GFRA1: variants seen among roughly 807,000 people sequenced by gnomAD.
GFRA1 encodes GDNF family receptor alpha 1, also known as GDNF family receptor alpha-1.
Under a neutral mutation model 51.6 loss-of-function variants are expected in GFRA1, and 16 were observed. The observed-to-expected ratio is 0.31, with a 90% CI of 0.21 to 0.47. The LOEUF (loss-of-function observed/expected upper bound fraction) is 0.47. Ranked by LOEUF, GFRA1 falls within the 20% of genes least tolerant of loss-of-function variation. GFRA1 has a pLI of 1.00. For missense variants in GFRA1, 530 were observed against 594.3 expected, an observed-to-expected ratio of 0.89 and a Z score of 1.13; for synonymous variants, 270 against 241.3, an observed-to-expected ratio of 1.12 and a Z score of -1.10.
intron 5 of GFRA1, among the ~76,000 whole-genome samples, chr10:116,177,581 A>G (rs1183339257): frequency 6.6e-6 from 1 of 152,162 alleles, no homozygotes; most frequent in Non-Finnish European, 1.5e-5. Context: ...CTGGGAGCAG[A>G]TGAGAGTATG....
chr10:116,137,992 G>A lies in GFRA1; in HGVS notation c.434-12435C>T, dbSNP rs150638998. ...AATTTTTTGTATTTTTAGTAGAGAT[G>A]GGGTTTCTCCACGTTGGTCAGGCTG... On this transcript the variant is annotated intron_variant, in intron 5 of 10. Transcript: ENST00000355422. 6.9e-3 allele frequency among the ~76,000 whole-genome samples: 1,045 copies of A among 152,120 alleles called. 3 individuals carry two copies. Among genetic ancestry groups the A allele is most frequent in the Non-Finnish European group, 9.5e-3 (645 of 67,986 alleles).
intron 5 of GFRA1, among the ~76,000 whole-genome samples, chr10:116,193,351 T>C (rs1963440606): frequency 6.6e-6 from 1 of 152,138 alleles, no homozygotes; most frequent in African/African-American, 2.4e-5. Context: ...TTGAGTTGAT[T>C]CTTAAAAATC....
At chr10:116,096,140 C>A (rs935395713) in intron 7 of GFRA1, among the ~76,000 whole-genome samples, 1 of 152,154 alleles carries the variant, frequency 6.6e-6, no homozygotes, top group Non-Finnish European at 1.5e-5. Flanking sequence ...GCCTAAATCA[C>A]CCACTGCACA....
chr10:116,195,550 T>C (rs1963661256), intron 5 of GFRA1, among the ~76,000 whole-genome samples: 1 of 152,218 alleles, frequency 6.6e-6, no homozygotes, highest in African/African-American at 2.4e-5. Flanking sequence ...CTTATATGAA[T>C]CTAATGCCAC....
At chr10:116,083,972 G>A (rs910528198) in intron 9 of GFRA1, among the ~76,000 whole-genome samples, 1 of 152,216 alleles carries the variant, frequency 6.6e-6, no homozygotes, top group African/African-American at 2.4e-5. Flanking sequence ...ACTCTGGGGA[G>A]ATAAGGAAAT....
chr10:116,261,735 T>C (rs1005023257), intron 4 of GFRA1, among the ~76,000 whole-genome samples: 1 of 152,242 alleles, frequency 6.6e-6, no homozygotes, highest in Non-Finnish European at 1.5e-5. Context: ...TGAATAACTA[T>C]GTAAGATTCA....
At chr10:116,129,171 C>G (rs765324744) in intron 5 of GFRA1, among the ~76,000 whole-genome samples, 2 of 152,096 alleles carry the variant, frequency 1.3e-5, no homozygotes, top group Non-Finnish European at 2.9e-5. Flanking sequence ...ATAACCTTTC[C>G]GAACTTGACA....
chr10:116,135,769 T>C (rs1958296757), intron 5 of GFRA1, among the ~76,000 whole-genome samples: 1 of 152,214 alleles, frequency 6.6e-6, no homozygotes, highest in African/African-American at 2.4e-5. Flanking sequence ...CTAGGAGGAC[T>C]CAAGCAAAAC....
intron 9 of GFRA1, among the ~76,000 whole-genome samples, chr10:116,084,083 C>T (rs573638274): frequency 7.9e-5 from 12 of 152,286 alleles, no homozygotes; most frequent in Admixed American, 2.0e-4. Flanking sequence ...ACCCCAAGGC[C>T]TCTGCCCCCA....
chr10:116,257,145 A>G lies in GFRA1; in HGVS notation c.418+12358T>C, dbSNP rs142009374. 3.7e-3 allele frequency among the ~76,000 whole-genome samples: 563 copies of G among 152,304 alleles called. 3 individuals carry two copies. Among genetic ancestry groups the G allele is most frequent in the African/African-American group, 0.012 (497 of 41,562 alleles). On this transcript the variant is annotated intron_variant, in intron 4 of 10. Transcript: ENST00000355422. The stretch of plus-strand genomic sequence containing the variant: ...GCCACTCAGCATCCACAGGGTCCCA[A>G]TGAACCGTTGTCAGAGACCACCTTT...
intron 4 of GFRA1, among the ~76,000 whole-genome samples, chr10:116,251,990 T>TA (rs1968412961): frequency 8.9e-6 from 1 of 111,868 alleles, no homozygotes; most frequent in African/African-American, 3.3e-5. Flanking sequence ...TTTTTTTTTT[T>TA]ACAATTACCA....
chr10:116,061,746 A>C lies in GFRA1; in HGVS notation c.*2652T>G, dbSNP rs1232566802. The C allele has an allele frequency of 8.2e-6, 3 of 365,682 alleles. No homozygotes were observed. Among genetic ancestry groups the C allele is most frequent in the Non-Finnish European group, 1.5e-5 (3 of 205,820 alleles). 22.7% of individuals were successfully genotyped at this position (365,682 alleles called of 1,614,324 possible). A position where few individuals can be genotyped will look rare whatever the true frequency, so the allele number is the denominator to read the frequency against. ...CCGGACTGAAGGACAGGAAGTAGCGAATCATTTTTGCTTTTAAGCACGCCA... is the reference window on the plus strand; with the variant it reads ...CCGGACTGAAGGACAGGAAGTAGCGCATCATTTTTGCTTTTAAGCACGCCA... On this transcript the variant is annotated 3_prime_UTR_variant, in exon 11 of 11. Transcript: ENST00000355422.
chr10:116,219,775 AC>A (rs1454048109), intron 4 of GFRA1, among the ~76,000 whole-genome samples: 1 of 152,238 alleles, frequency 6.6e-6, no homozygotes, highest in Non-Finnish European at 1.5e-5. Flanking sequence ...AGAAGAAATT[AC>A]GTTATAGCTG....
intron 5 of GFRA1, among the ~76,000 whole-genome samples, chr10:116,186,421 A>G (rs1565635692): frequency 6.6e-6 from 1 of 152,226 alleles, no homozygotes; most frequent in Non-Finnish European, 1.5e-5. Context: ...CACTGAGCAC[A>G]GTTTTGCCAA....
chr10:116,266,646 A>G (rs1969678446), intron 4 of GFRA1, among the ~76,000 whole-genome samples: 1 of 152,308 alleles, frequency 6.6e-6, no homozygotes, highest in Admixed American at 6.5e-5. Context: ...TCTAGACAGG[A>G]CAGGGCTCAC....
chr10:116,119,564 T>C (rs1246561603), intron 6 of GFRA1, among the ~76,000 whole-genome samples: 1 of 152,240 alleles, frequency 6.6e-6, no homozygotes, highest in Non-Finnish European at 1.5e-5. Flanking sequence ...CAAATTAATC[T>C]ACCCATCTAG....
chr10:116,103,657 A>T (rs1230846043), intron 6 of GFRA1, among the ~76,000 whole-genome samples: 1 of 152,240 alleles, frequency 6.6e-6, no homozygotes, highest in Non-Finnish European at 1.5e-5. Context: ...TACCTTTTGC[A>T]GAATAAAAAC....
chr10:116,257,985 C>G (rs889842324), intron 4 of GFRA1, among the ~76,000 whole-genome samples: 2 of 152,170 alleles, frequency 1.3e-5, no homozygotes, highest in Non-Finnish European at 2.9e-5. Context: ...AAACTCCTAT[C>G]CATTCCACAA....
At chr10:116,078,973 A>G (rs1955734384) in intron 9 of GFRA1, among the ~76,000 whole-genome samples, 1 of 151,980 alleles carries the variant, frequency 6.6e-6, no homozygotes, top group Non-Finnish European at 1.5e-5. Context: ...CCTCAAAGCC[A>G]TGTGTGAGAA....
Sources: allele counts gnomAD v4.1 joint callset (sites outside exome capture counted in the v4.1 genomes callset), GRCh38; gene constraint gnomAD v4.1.1; transcripts MANE v1.5; gene names NCBI Gene and HGNC (gene_info 2026-07-23, HGNC 2026-07-21).